Variants in LTBP4 observed in about 807,000 individuals in gnomAD.
The protein encoded by LTBP4 is latent transforming growth factor beta binding protein 4.
A neutral mutation model predicts 180.2 loss-of-function variants in LTBP4; 93 were observed. The ratio of observed to expected loss-of-function variants is 0.52; its 90% CI spans 0.44 to 0.61. LTBP4 has a LOEUF of 0.61. LTBP4 is among the 20% of genes least tolerant of loss of function. The pLI, the probability that LTBP4 is intolerant of heterozygous loss-of-function variation, is 0.00. For missense variants in LTBP4, 2,116 were observed against 2,256.5 expected (o/e 0.94, Z 1.26); for synonymous variants, 947 against 934.5 (o/e 1.01, Z -0.24).
At position 40,606,537 on chromosome 19, in the gene LTBP4, A is replaced by C. The variant is rs2081463627; in HGVS notation, c.991+11A>C. 10 of 1,559,584 alleles carry C rather than the reference A, an allele frequency of 6.4e-6. No individual in the cohort carries two copies. Among genetic ancestry groups the C allele is most frequent in the Non-Finnish European group, 8.7e-6 (10 of 1,152,980 alleles). Reference sequence around the variant, plus strand: ...GCAGCAGCTGCATCTGTGAGCAACCAGCAGGGAGCTGAGGCTGGGTCCCGC... The same window carrying C: ...GCAGCAGCTGCATCTGTGAGCAACCCGCAGGGAGCTGAGGCTGGGTCCCGC... On this transcript the variant is annotated intron_variant, in intron 6 of 29. Transcript: ENST00000396819.
chr19:40,629,691 C>A lies in LTBP4; in HGVS notation c.*141C>A, dbSNP rs2081664972. 1 of 850,434 alleles carries A rather than the reference C, an allele frequency of 1.2e-6. No homozygotes were observed. The highest frequency in any genetic ancestry group is 1.6e-6 in the Non-Finnish European group (1 of 633,952). The allele number at this position is 850,434 out of a possible 1,614,324, so 52.7% of individuals were successfully genotyped here. ...ACCTACGGACGCCTGGAAGCTGCGA[C>A]GCCCTGCACTGCTCCCGCCTCCACC... is the stretch of plus-strand genomic sequence containing the variant. On this transcript the variant is annotated 3_prime_UTR_variant, in exon 30 of 30. Coordinates refer to ENST00000396819, the MANE Select transcript of LTBP4 (RefSeq NM_001042545.2). This position sits in a 1 kb window ranked among gnomAD's most constrained non-coding sequence, Gnocchi z 4.5.
chr19:40,610,572 CG>C lies in LTBP4; in HGVS notation c.1728del (p.Arg577AlafsTer167). 1 of 1,593,248 alleles carries C rather than the reference CG, an allele frequency of 6.3e-7. No homozygotes were observed. On this transcript the variant is annotated frameshift_variant, in exon 12 of 30. Transcript: ENST00000396819. LOFTEE classifies it high-confidence loss of function. ...ACCGCGTGCCGCCGCCGTGTGACCTCGGGCGCTGCGAGAACACGCCAGGCAG... is the reference window on the plus strand; with the variant it reads ...ACCGCGTGCCGCCGCCGTGTGACCTCGGCGCTGCGAGAACACGCCAGGCAG... The part of the protein sequence containing the change: ...CHRVPPPCDL[G>X]RCENTPGSFL...
At chr19:40,607,042 C>T (rs886734803) in intron 6 of LTBP4, among the ~76,000 whole-genome samples, 6 of 152,210 alleles carry the variant, frequency 3.9e-5, no homozygotes, top group African/African-American at 1.4e-4. Flanking sequence ...TAAGCCACTG[C>T]GCCCAGCTCT....
chr19:40,608,917 A>C (rs1290995244), intron 9 of LTBP4: 5 of 251,468 alleles, frequency 2.0e-5, no homozygotes, highest in Non-Finnish European at 3.9e-5. Flanking sequence ...AAAAAAAAAA[A>C]AAAAGAATTC....
intron 19 of LTBP4, among the ~76,000 whole-genome samples, 184 bp from the exon 20 acceptor site, chr19:40,616,705 G>A (rs1324495621): frequency 6.6e-6 from 1 of 152,246 alleles, no homozygotes; most frequent in Admixed American, 6.5e-5. Flanking sequence ...ACTCCAGCCT[G>A]AGTGAAAGAG....
At chr19:40,625,284 A>ATT (rs2081620582) in intron 26 of LTBP4, among the ~76,000 whole-genome samples, 1 of 6,232 alleles carries the variant, frequency 1.6e-4, no homozygotes. Flanking sequence ...ATATATATAT[A>ATT]TATATATATA....
In LTBP4 at chr19:40,605,688, G is replaced by T. The variant is rs1315933362; in HGVS notation, c.690+36G>T. On this transcript the variant is annotated intron_variant, in intron 3 of 29. Transcript: ENST00000396819. This position sits in a 1 kb window ranked among gnomAD's most constrained non-coding sequence, Gnocchi z 5.5. ...GCCCGTGGGGAGGGGCCCGGAGCTT[G>T]CCTCCGCGCGGGGGCGCGCTCACCC... The T allele has an allele frequency of 1.3e-6, 2 of 1,545,956 alleles. No homozygotes were observed. The highest frequency in any genetic ancestry group is 1.4e-5 in the African/African-American group (1 of 73,126).
At chr19:40,619,514 T>A in intron 22 of LTBP4, 21 bp downstream of exon 22, 1 of 1,590,380 alleles carries the variant, frequency 6.3e-7, no homozygotes, top group African/African-American at 1.3e-5. Flanking sequence ...TGTGTCTATT[T>A]AACTGATGGC....
At position 40,605,367 on chromosome 19, in the gene LTBP4, C is replaced by G. The variant is rs778833858; in HGVS notation, c.443-38C>G. 6.2e-7 allele frequency: 1 copy of G among 1,608,690 alleles called. No individual in the cohort carries two copies. The highest frequency in any genetic ancestry group is 1.1e-5 in the South Asian group (1 of 90,762). Reference sequence around the variant, plus strand: ...TGTCTAGCCCCACCCCGTAAGAACCCGTGTAGACATCCGTTTGCCCGGCCG... The same window carrying G: ...TGTCTAGCCCCACCCCGTAAGAACCGGTGTAGACATCCGTTTGCCCGGCCG... On this transcript the variant is annotated intron_variant, in intron 2 of 29. Transcript: ENST00000396819. The surrounding 1 kb of genome is among the most constrained non-coding windows in gnomAD (Gnocchi z 5.5).
chr19:40,622,748 A>C lies in LTBP4; in HGVS notation c.3484+81A>C, dbSNP rs146326900. On this transcript the variant is annotated intron_variant, in intron 23 of 29. Transcript: ENST00000396819. The surrounding 1 kb of genome is among the most constrained non-coding windows in gnomAD (Gnocchi z 5.1). ...GGGGTGTGGGCCTGGGACAGGGGACACTTTTGGACAGGGCCTTGAGGTACT... is the reference window on the plus strand; with the variant it reads ...GGGGTGTGGGCCTGGGACAGGGGACCCTTTTGGACAGGGCCTTGAGGTACT... 6.7e-7 allele frequency: 1 copy of C among 1,493,868 alleles called. No individual in the cohort carries two copies. The highest frequency in any genetic ancestry group is 8.9e-7 in the Non-Finnish European group (1 of 1,118,438). The allele number at this position is 1,493,868 out of a possible 1,614,324, so 92.5% of individuals were successfully genotyped here.
intron 28 of LTBP4, 126 bp downstream of exon 28, chr19:40,627,481 G>T: frequency 7.5e-7 from 1 of 1,331,784 alleles, no homozygotes; most frequent in Non-Finnish European, 1.0e-6. Context: ...GCCACAGAAA[G>T]GGACAGAGAA....
At chr19:40,623,821 G>C in intron 25 of LTBP4, 89 bp downstream of exon 25, 2 of 1,598,186 alleles carry the variant, frequency 1.3e-6, no homozygotes, top group Non-Finnish European at 1.7e-6. Context: ...ACCACCAGCG[G>C]GAAGTCTTTC....
intron 1 of LTBP4, among the ~76,000 whole-genome samples, chr19:40,602,507 C>T (rs940782469): frequency 2.0e-5 from 3 of 152,122 alleles, no homozygotes; most frequent in African/African-American, 7.2e-5. Context: ...GGCCCCCAGC[C>T]AGCCCAGCCC....
rs116358491 is a variant in LTBP4, at chr19:40,624,360, C to G, written c.3832+278C>G. 0.026 allele frequency among the ~76,000 whole-genome samples: 3,993 copies of G among 152,312 alleles called. 131 individuals are homozygous for G. Among genetic ancestry groups the G allele is most frequent in the African/African-American group, 0.071 (2,952 of 41,562 alleles). On this transcript the variant is annotated intron_variant, in intron 26 of 29. Coordinates refer to ENST00000396819, the MANE Select transcript of LTBP4 (RefSeq NM_001042545.2). ...TGCACACTGGGTGAATAGCCCCTAC[C>G]TTATAGGGTGGCTGTGAGGAATTTT... is the stretch of plus-strand genomic sequence containing the variant.
At chr19:40,601,686 G>T (rs952176096) in intron 1 of LTBP4, 49 bp downstream of exon 1, 10 of 1,258,808 alleles carry the variant, frequency 7.9e-6, no homozygotes, top group Middle Eastern at 2.7e-4. Context: ...GGGGGAGGAG[G>T]ATCCCTGGGG....
chr19:40,612,234 A>T, intron 15 of LTBP4, 42 bp downstream of exon 15: 1 of 1,540,608 alleles, frequency 6.5e-7, no homozygotes, highest in Non-Finnish European at 8.8e-7. Context: ...CTGCATCATG[A>T]CCCCCGACCC....
In LTBP4 at chr19:40,613,335, T is replaced by A. The variant is rs1045676352; in HGVS notation, c.2432-69T>A. The A allele has an allele frequency of 1.9e-6, 3 of 1,562,860 alleles. No homozygotes were observed. Among genetic ancestry groups the A allele is most frequent in the Non-Finnish European group, 2.6e-6 (3 of 1,155,050 alleles). The stretch of plus-strand genomic sequence containing the variant: ...CTGGCATTGGTGGGGGCGGGGTTAC[T>A]GCGATGTGGGCGGAGCTTGTCTGGG... On this transcript the variant is annotated intron_variant, in intron 16 of 29. Coordinates refer to ENST00000396819, the MANE Select transcript of LTBP4 (RefSeq NM_001042545.2). This position sits in a 1 kb window ranked among gnomAD's most constrained non-coding sequence, Gnocchi z 5.0.
At chr19:40,593,219 G>C (rs1393820020) in intron 1 of LTBP4, 1 of 1,612,786 alleles carries the variant, frequency 6.2e-7, no homozygotes, top group Non-Finnish European at 8.5e-7. Flanking sequence ...TGAAATAGCT[G>C]TGCACCTCAA....
upstream of LTBP4, among the ~76,000 whole-genome samples, chr19:40,600,332 C>T (rs1234401631): frequency 6.6e-6 from 1 of 152,198 alleles, no homozygotes; most frequent in South Asian, 2.1e-4. The surrounding 1 kb of genome is among the most constrained non-coding windows in gnomAD (Gnocchi z 4.4). Context: ...CCCCAGCGTC[C>T]GGCCGTGCGA....
Sources: gnomAD v4.1 joint callset for allele counts (sites outside exome capture counted in the v4.1 genomes callset) on GRCh38, gnomAD v4.1.1 for gene constraint, Gnocchi (gnomAD v3.1) non-coding constraint, MANE v1.5 for transcripts, NCBI Gene and HGNC (gene_info 2026-07-23, HGNC 2026-07-21) for gene names.